NDRG1: variants seen among roughly 807,000 people sequenced by gnomAD.
NDRG1 encodes the protein N-myc downstream regulated 1, also known as protein NDRG1.
A neutral mutation model predicts 56.9 loss-of-function variants in NDRG1; 32 were observed. The ratio of observed to expected loss-of-function variants is 0.56; its 90% CI spans 0.42 to 0.76. The LOEUF is 0.76. Among genes scored for constraint, NDRG1 ranks in the 30% least tolerant of loss-of-function variants. NDRG1 has a pLI of 0.00. For synonymous variants in NDRG1, 211 were observed against 204.1 expected, an observed-to-expected ratio of 1.03 and a Z score of -0.29; for missense variants, 507 against 545.7, an observed-to-expected ratio of 0.93 and a Z score of 0.71.
At chr8:133,253,622 G>T (rs1462328006) in intron 9 of NDRG1, among the ~76,000 whole-genome samples, 1 of 152,196 alleles carries the variant, frequency 6.6e-6, no homozygotes, top group East Asian at 1.9e-4. Flanking sequence ...CAACTCAAAG[G>T]TCTTATCAAC....
intron 12 of NDRG1, among the ~76,000 whole-genome samples, chr8:133,247,307 C>A (rs1855742153): frequency 6.6e-6 from 1 of 152,210 alleles, no homozygotes; most frequent in African/African-American, 2.4e-5. Flanking sequence ...TGAACATTTG[C>A]AAATGTCACT....
intron 6 of NDRG1, chr8:133,258,849 T>G: frequency 1.9e-6 from 1 of 514,526 alleles, no homozygotes; most frequent in Non-Finnish European, 3.5e-6. Context: ...AGCTAAGGAC[T>G]CAGGCAACTC....
intron 3 of NDRG1, among the ~76,000 whole-genome samples, chr8:133,277,776 C>A (rs1205372261): frequency 6.6e-6 from 1 of 152,030 alleles, no homozygotes; most frequent in East Asian, 1.9e-4. Flanking sequence ...GATGTTTGGC[C>A]CGGCACTGAT....
At chr8:133,273,537 T>C (rs1238462058) in intron 3 of NDRG1, among the ~76,000 whole-genome samples, 1 of 152,226 alleles carries the variant, frequency 6.6e-6, no homozygotes, top group Non-Finnish European at 1.5e-5. Flanking sequence ...GAGGATCACA[T>C]GAGCGGATGC....
intron 3 of NDRG1, among the ~76,000 whole-genome samples, chr8:133,274,999 T>G (rs1857383100): frequency 6.6e-6 from 1 of 152,202 alleles, no homozygotes; most frequent in Admixed American, 6.5e-5. Context: ...GTCGCTTTGC[T>G]GCAACTCCCA....
At chr8:133,264,318 A>T (rs530600971) in intron 4 of NDRG1, among the ~76,000 whole-genome samples, 85 of 152,350 alleles carry the variant, frequency 5.6e-4, no homozygotes, top group African/African-American at 1.6e-3. Context: ...CAGATAGCAA[A>T]CAGCTTCCTG....
In NDRG1 at chr8:133,238,643, G is replaced by C. The variant is rs1461607100; in HGVS notation, c.*235C>G. 1.7e-6 allele frequency: 1 copy of C among 589,820 alleles called. No homozygotes were observed. Among genetic ancestry groups the C allele is most frequent in the Non-Finnish European group, 3.0e-6 (1 of 335,494 alleles). The allele number at this position is 589,820 out of a possible 1,614,324, so 36.5% of individuals were successfully genotyped here. ...GGCAACCGGCCACTGGTTAATGGAA[G>C]AGGATGCGATGCGGAGATGCTTGCT... is the stretch of plus-strand genomic sequence containing the variant. On this transcript the variant is annotated 3_prime_UTR_variant, in exon 16 of 16. Transcript: ENST00000323851.
intron 1 of NDRG1, among the ~76,000 whole-genome samples, chr8:133,289,858 T>A (rs777667142): frequency 6.6e-6 from 1 of 152,184 alleles, no homozygotes; most frequent in Non-Finnish European, 1.5e-5. Context: ...CCTGCCACTT[T>A]CCTATTCCAT....
intron 3 of NDRG1, among the ~76,000 whole-genome samples, chr8:133,265,644 C>T (rs1312830891): frequency 2.0e-5 from 3 of 152,092 alleles, no homozygotes; most frequent in African/African-American, 4.8e-5. Context: ...TGCACCTCTC[C>T]GCACCAAACC....
chr8:133,292,945 T>C (rs1437368262), intron 1 of NDRG1, among the ~76,000 whole-genome samples: 2 of 152,158 alleles, frequency 1.3e-5, no homozygotes, highest in African/African-American at 2.4e-5. Flanking sequence ...AGGTAGGGCA[T>C]AGGCAGGTCT....
chr8:133,237,470 T>C lies in NDRG1; in HGVS notation c.*1408A>G, dbSNP rs937739891. On this transcript the variant is annotated 3_prime_UTR_variant, in exon 16 of 16. Transcript: ENST00000323851. ...AATATTCAATTCACTCTGACCAAAC[T>C]TCCTATGAGAAAATCCACGGTGAGC... The C allele has an allele frequency of 4.7e-5, 11 of 232,666 alleles. No individual in the cohort carries two copies. Among genetic ancestry groups the C allele is most frequent in the African/African-American group, 2.0e-4 (9 of 45,252 alleles). 14.4% of individuals were successfully genotyped at this position (232,666 alleles called of 1,614,324 possible).
chr8:133,260,164 C>T (rs901000978), intron 5 of NDRG1, among the ~76,000 whole-genome samples: 2 of 152,192 alleles, frequency 1.3e-5, no homozygotes, highest in African/African-American at 4.8e-5. Context: ...TGTTTCTTCC[C>T]TGTTCCCCAG....
At chr8:133,257,242 G>A (rs1478667242) in intron 7 of NDRG1, among the ~76,000 whole-genome samples, 1 of 151,680 alleles carries the variant, frequency 6.6e-6, no homozygotes, top group Admixed American at 6.6e-5. Flanking sequence ...AGTTGTGGCA[G>A]TAACAACTGT....
At chr8:133,257,282 T>TACAC (rs58312135) in intron 7 of NDRG1, among the ~76,000 whole-genome samples, 2,613 of 146,786 alleles carry the variant, frequency 0.018, 53 homozygotes, top group African/African-American at 0.051. Context: ...AACACATGCA[T>TACAC]ACACACACAC....
At chr8:133,241,832 C>A in intron 15 of NDRG1, 191 bp downstream of exon 15, 1 of 656,566 alleles carries the variant, frequency 1.5e-6, no homozygotes, top group Admixed American at 2.5e-5. Context: ...GAAAAATGAG[C>A]CTCACTGATA....
intron 7 of NDRG1, among the ~76,000 whole-genome samples, 158 bp from the exon 8 acceptor site, chr8:133,257,021 G>A (rs528874578): frequency 5.3e-5 from 8 of 152,328 alleles, no homozygotes; most frequent in South Asian, 2.1e-4. Context: ...GCAAAACTGA[G>A]GTTCCAGCAC....
At chr8:133,255,077 T>A in intron 8 of NDRG1, 5 of 338,844 alleles carry the variant, frequency 1.5e-5, no homozygotes, top group Non-Finnish European at 2.3e-5. Context: ...CAATCTTCTT[T>A]TCCTACCTCT....
At chr8:133,243,198 T>A (rs576016241) in intron 14 of NDRG1, among the ~76,000 whole-genome samples, 2 of 152,298 alleles carry the variant, frequency 1.3e-5, no homozygotes, top group African/African-American at 2.4e-5. Flanking sequence ...AAATGACATT[T>A]AAAAGAGCGG....
chr8:133,268,580 C>A (rs1586459546), intron 3 of NDRG1, among the ~76,000 whole-genome samples: 3 of 152,166 alleles, frequency 2.0e-5, no homozygotes, highest in Admixed American at 1.3e-4. Context: ...ATTTGCTAAG[C>A]GCCTACGAAG....
Sources: allele counts gnomAD v4.1 joint callset (sites outside exome capture counted in the v4.1 genomes callset), GRCh38; gene constraint gnomAD v4.1.1; transcripts MANE v1.5; gene names NCBI Gene and HGNC (gene_info 2026-07-23, HGNC 2026-07-21).